TMEM135: variants seen among roughly 807,000 people sequenced by gnomAD.
The protein encoded by TMEM135 is peroxisomal membrane protein 52.
TMEM135 carries 30 observed loss-of-function variants against 60.3 expected under a neutral mutation model. The observed-to-expected ratio is 0.50, with a 90% CI of 0.37 to 0.68. The LOEUF (loss-of-function observed/expected upper bound fraction) is 0.68, where lower values mean the gene tolerates loss of function less well. TMEM135 is among the 30% of genes least tolerant of loss of function. The pLI, the probability that TMEM135 is intolerant of heterozygous loss-of-function variation, is 0.00. For missense variants in TMEM135, 468 were observed against 548.8 expected (o/e 0.85, Z 1.47); for synonymous variants, 190 against 186.7 (o/e 1.02, Z -0.14).
At chr11:87,245,775 A>C (rs1941255197) in intron 6 of TMEM135, among the ~76,000 whole-genome samples, 1 of 104,788 alleles carries the variant, frequency 9.5e-6, no homozygotes, top group Admixed American at 8.9e-5. Flanking sequence ...TCCTGAGTAC[A>C]GCACACTGAT....
At chr11:87,310,302 C>A (rs1454446119) in intron 10 of TMEM135, among the ~76,000 whole-genome samples, 1 of 152,112 alleles carries the variant, frequency 6.6e-6, no homozygotes, top group African/African-American at 2.4e-5. Flanking sequence ...TAGTACTCTG[C>A]AACTTTAAGT....
In TMEM135 at chr11:87,325,926, G is replaced by A. The variant is rs540537784; in HGVS notation, c.*4593G>A. The stretch of plus-strand genomic sequence containing the variant: ...TCCCTCCTACGAATATGTTTTACAT[G>A]AAATAATGTATTGGGTTTTATCTTT... On this transcript the variant is annotated 3_prime_UTR_variant, in exon 15 of 15. Coordinates refer to ENST00000305494, the MANE Select transcript of TMEM135 (RefSeq NM_022918.4). 4 of 453,778 alleles carry A rather than the reference G, an allele frequency of 8.8e-6. No individual in the cohort carries two copies. The highest frequency in any genetic ancestry group is 6.2e-5 in the South Asian group (4 of 64,450). 28.1% of individuals were successfully genotyped at this position (453,778 alleles called of 1,614,324 possible). A position where few individuals can be genotyped will look rare whatever the true frequency, so the allele number is the denominator to read the frequency against.
At chr11:87,101,802 C>T (rs930858389) in intron 4 of TMEM135, among the ~76,000 whole-genome samples, 4 of 152,066 alleles carry the variant, frequency 2.6e-5, no homozygotes, top group African/African-American at 9.7e-5. Context: ...TGGATAAACC[C>T]GTCTCTACTA....
At chr11:87,123,299 C>A (rs1937633866) in intron 4 of TMEM135, among the ~76,000 whole-genome samples, 1 of 152,128 alleles carries the variant, frequency 6.6e-6, no homozygotes, top group African/African-American at 2.4e-5. Context: ...GAATCCTTTC[C>A]TTGCCTCTTT....
chr11:87,174,083 A>G (rs1399906199), intron 5 of TMEM135, among the ~76,000 whole-genome samples: 1 of 152,172 alleles, frequency 6.6e-6, no homozygotes, highest in Non-Finnish European at 1.5e-5. Context: ...GTAAAGTTAT[A>G]ACATGGTGAA....
intron 5 of TMEM135, among the ~76,000 whole-genome samples, chr11:87,214,092 A>G (rs1420313166): frequency 6.6e-6 from 1 of 152,170 alleles, no homozygotes; most frequent in Non-Finnish European, 1.5e-5. Flanking sequence ...GTGGTGTGGT[A>G]GTAGTAGTTG....
At chr11:87,177,479 G>GT (rs2135298096) in intron 5 of TMEM135, among the ~76,000 whole-genome samples, 1 of 152,144 alleles carries the variant, frequency 6.6e-6, no homozygotes, top group South Asian at 2.1e-4. Flanking sequence ...TTAAAAACCA[G>GT]TTTTATTGTG....
chr11:87,286,714 G>A (rs903724511), intron 6 of TMEM135, among the ~76,000 whole-genome samples: 1 of 152,162 alleles, frequency 6.6e-6, no homozygotes, highest in African/African-American at 2.4e-5. Flanking sequence ...CAAATTAGAG[G>A]CATTTAAATA....
At chr11:87,296,765 A>G (rs1942354762) in intron 7 of TMEM135, among the ~76,000 whole-genome samples, 1 of 152,174 alleles carries the variant, frequency 6.6e-6, no homozygotes, top group South Asian at 2.1e-4. Flanking sequence ...CTTAAACTGT[A>G]CTTTAAGGAT....
intron 10 of TMEM135, among the ~76,000 whole-genome samples, chr11:87,311,089 G>A (rs1942633806): frequency 8.1e-6 from 1 of 122,934 alleles, no homozygotes. Flanking sequence ...TATATATTCT[G>A]TGGGTATATA....
intron 3 of TMEM135, among the ~76,000 whole-genome samples, chr11:87,080,844 G>T (rs1440018153): frequency 2.0e-5 from 3 of 151,896 alleles, no homozygotes; most frequent in Non-Finnish European, 2.9e-5. Flanking sequence ...GTGCCACCAC[G>T]CCTGGCTAAT....
chr11:87,047,485 G>A (rs1351794839), intron 1 of TMEM135, among the ~76,000 whole-genome samples: 3 of 151,182 alleles, frequency 2.0e-5, no homozygotes, highest in East Asian at 2.0e-4. Context: ...GAAGCAGGGC[G>A]AGGCACTGCC....
chr11:87,087,303 A>G (rs1857117664), intron 3 of TMEM135, among the ~76,000 whole-genome samples: 1 of 152,044 alleles, frequency 6.6e-6, no homozygotes, highest in African/African-American at 2.4e-5. Flanking sequence ...AAAAAAAAAA[A>G]AAAACCTTCA....
chr11:87,063,371 A>G (rs1183974247), intron 1 of TMEM135, among the ~76,000 whole-genome samples: 1 of 152,208 alleles, frequency 6.6e-6, no homozygotes, highest in Non-Finnish European at 1.5e-5. Context: ...GAAATTAATG[A>G]ATGTGGAATT....
At chr11:87,206,010 T>C (rs1940226173) in intron 5 of TMEM135, among the ~76,000 whole-genome samples, 1 of 152,194 alleles carries the variant, frequency 6.6e-6, no homozygotes, top group Non-Finnish European at 1.5e-5. Context: ...TCTTTGTTTT[T>C]CTTATATCTG....
chr11:87,265,992 CCTTT>C (rs1941740486), intron 6 of TMEM135, among the ~76,000 whole-genome samples: 1 of 152,068 alleles, frequency 6.6e-6, no homozygotes, highest in Non-Finnish European at 1.5e-5. Flanking sequence ...TTCTTGAAAT[CCTTT>C]CTGTTTTTGA....
chr11:87,309,695 G>C, intron 10 of TMEM135, 23 bp downstream of exon 10: 2 of 1,608,922 alleles, frequency 1.2e-6, no homozygotes, highest in Non-Finnish European at 1.7e-6. Flanking sequence ...GAAGAGGAAA[G>C]AAAAATGGGA....
chr11:87,290,829 C>G (rs1441481752), intron 6 of TMEM135, among the ~76,000 whole-genome samples: 1 of 152,120 alleles, frequency 6.6e-6, no homozygotes, highest in Non-Finnish European at 1.5e-5. Context: ...AGTAGAGATT[C>G]AGTAAATATA....
At chr11:87,277,884 C>T (rs1242204206) in intron 6 of TMEM135, among the ~76,000 whole-genome samples, 1 of 152,110 alleles carries the variant, frequency 6.6e-6, no homozygotes, top group African/African-American at 2.4e-5. Context: ...ACCCTGTGAC[C>T]TAAACTTGCT....
Sources: gnomAD v4.1 joint callset for allele counts (sites outside exome capture counted in the v4.1 genomes callset) on GRCh38, gnomAD v4.1.1 for gene constraint, MANE v1.5 for transcripts, NCBI Gene and HGNC (gene_info 2026-07-23, HGNC 2026-07-21) for gene names.